Variants in RSU1 observed in about 807,000 individuals in gnomAD.
The protein encoded by RSU1 is Ras suppressor protein 1, also known as rsu-1.
Under a neutral mutation model 31.1 loss-of-function variants are expected in RSU1, and 26 were observed. The observed-to-expected ratio is 0.84, with a 90% CI of 0.61 to 1.16. The LOEUF is 1.16. Among genes scored for constraint, RSU1 ranks in the 50% most tolerant of loss-of-function variants. RSU1 has a pLI of 0.00. For missense variants in RSU1, 320 were observed against 339.1 expected (o/e 0.94, Z 0.44); for synonymous variants, 164 against 136.3 (o/e 1.20, Z -1.41).
intron 8 of RSU1, among the ~76,000 whole-genome samples, chr10:16,636,973 C>A (rs1346240208): frequency 6.6e-6 from 1 of 152,100 alleles, no homozygotes; most frequent in Non-Finnish European, 1.5e-5. Flanking sequence ...TATTTTATTC[C>A]CTTTTGTAAG....
At chr10:16,639,527 C>A (rs1274041088) in intron 8 of RSU1, among the ~76,000 whole-genome samples, 2 of 152,176 alleles carry the variant, frequency 1.3e-5, no homozygotes, top group Non-Finnish European at 2.9e-5. Flanking sequence ...AGAAACAAAT[C>A]TATGCACAGA....
intron 4 of RSU1, among the ~76,000 whole-genome samples, chr10:16,759,443 G>C (rs1000252036): frequency 4.6e-5 from 7 of 152,182 alleles, no homozygotes; most frequent in Non-Finnish European, 8.8e-5. Context: ...GGAGGCATAG[G>C]TTGCAGTGAG....
intron 3 of RSU1, among the ~76,000 whole-genome samples, chr10:16,766,025 T>C (rs949563245): frequency 2.0e-5 from 3 of 152,246 alleles, no homozygotes; most frequent in Non-Finnish European, 2.9e-5. Flanking sequence ...TATTATAGTT[T>C]TGAGTCATCA....
intron 8 of RSU1, among the ~76,000 whole-genome samples, chr10:16,625,778 C>T (rs932704306): frequency 2.6e-5 from 4 of 152,132 alleles, no homozygotes; most frequent in African/African-American, 9.7e-5. Flanking sequence ...TCTTGAGGGC[C>T]CATTCTGGTC....
In RSU1 at chr10:16,807,329, G is replaced by C. The variant is rs1274645029; in HGVS notation, c.109+9644C>G. ...TGCAAAGAAACGGATGAAATAAGAA[G>C]GATCTTTATGAGGTATGGATACTAT... is the stretch of plus-strand genomic sequence containing the variant. On this transcript the variant is annotated intron_variant, in intron 2 of 8. Coordinates refer to ENST00000345264, the MANE Select transcript of RSU1 (RefSeq NM_012425.4). Among the ~76,000 whole-genome samples, 3 of 152,134 alleles carry C rather than the reference G, an allele frequency of 2.0e-5. No individual in the cohort carries two copies. In the East Asian group the frequency reaches 5.8e-4, roughly 29 times the overall value.
chr10:16,737,049 A>C (rs1361876864), intron 7 of RSU1, among the ~76,000 whole-genome samples: 1 of 151,996 alleles, frequency 6.6e-6, no homozygotes, highest in Non-Finnish European at 1.5e-5. Context: ...GAAGATGATG[A>C]AAAGAAACAA....
chr10:16,668,628 T>C (rs1835044777), intron 8 of RSU1, among the ~76,000 whole-genome samples: 1 of 152,202 alleles, frequency 6.6e-6, no homozygotes, highest in Non-Finnish European at 1.5e-5. Context: ...GTTTTACTGC[T>C]TTCCCTGGTT....
intron 8 of RSU1, among the ~76,000 whole-genome samples, chr10:16,639,723 C>T (rs1834406533): frequency 6.6e-6 from 1 of 152,184 alleles, no homozygotes; most frequent in Non-Finnish European, 1.5e-5. Flanking sequence ...TGTCAAACAA[C>T]TTCATTCTGC....
Position 16,712,093 on chromosome 10 carries a change from T to C in RSU1, c.599-16938A>G, listed in dbSNP as rs79071402. Among the ~76,000 whole-genome samples, 1,369 of 152,298 alleles carry C rather than the reference T, an allele frequency of 9.0e-3. 27 individuals are homozygous for C. Among genetic ancestry groups the C allele is most frequent in the East Asian group, 0.083 (430 of 5,180 alleles). On this transcript the variant is annotated intron_variant, in intron 7 of 8. Coordinates refer to ENST00000345264, the MANE Select transcript of RSU1 (RefSeq NM_012425.4). ...TTTAATCATGACATAATGACCTTTT[T>C]TCTTTTTCCAGTTTTTGACTTAAAA...
At chr10:16,605,658 C>A (rs1204540577) in intron 8 of RSU1, among the ~76,000 whole-genome samples, 1 of 152,148 alleles carries the variant, frequency 6.6e-6, no homozygotes, top group Non-Finnish European at 1.5e-5. Context: ...CATCAGCTTC[C>A]CACCTGGAGC....
chr10:16,700,180 C>T (rs964342816), intron 7 of RSU1, among the ~76,000 whole-genome samples: 2 of 152,060 alleles, frequency 1.3e-5, no homozygotes, highest in Non-Finnish European at 2.9e-5. Flanking sequence ...AGTAAGCAAT[C>T]GAGGCGATCT....
chr10:16,649,659 C>T (rs565128841), intron 8 of RSU1, among the ~76,000 whole-genome samples: 1 of 152,220 alleles, frequency 6.6e-6, no homozygotes, highest in Admixed American at 6.5e-5. Flanking sequence ...CTAGGGGGCA[C>T]ACGGCACAAC....
chr10:16,642,850 A>C (rs965019352), intron 8 of RSU1, among the ~76,000 whole-genome samples: 2 of 152,198 alleles, frequency 1.3e-5, no homozygotes, highest in Non-Finnish European at 2.9e-5. Flanking sequence ...TCTAAAAGCC[A>C]GGTTTATTGA....
intron 3 of RSU1, 104 bp downstream of exon 3, chr10:16,781,930 A>T: frequency 1.0e-6 from 1 of 957,072 alleles, no homozygotes; most frequent in Non-Finnish European, 1.6e-6. Context: ...TTCTGCAAAT[A>T]ATCATTCTTC....
At chr10:16,674,398 G>C (rs994149502) in intron 8 of RSU1, among the ~76,000 whole-genome samples, 1 of 135,624 alleles carries the variant, frequency 7.4e-6, no homozygotes, top group African/African-American at 3.0e-5. Context: ...TGTCACGGAA[G>C]GTTTTTTTTT....
intron 8 of RSU1, among the ~76,000 whole-genome samples, chr10:16,649,232 A>G (rs374458340): frequency 2.6e-5 from 4 of 152,344 alleles, no homozygotes; most frequent in South Asian, 2.1e-4. Flanking sequence ...AATGGCTCTT[A>G]TGAATCACGA....
chr10:16,791,844 G>A (rs190504014), intron 2 of RSU1, among the ~76,000 whole-genome samples: 57 of 152,206 alleles, frequency 3.7e-4, no homozygotes, highest in East Asian at 1.2e-3. Flanking sequence ...TCGTTCCCAA[G>A]GTGGCCCAAC....
chr10:16,778,289 G>A (rs556988132), intron 3 of RSU1, among the ~76,000 whole-genome samples: 1 of 152,176 alleles, frequency 6.6e-6, no homozygotes, highest in South Asian at 2.1e-4. Flanking sequence ...AGAAGTCTGT[G>A]GCAGCCACAT....
chr10:16,736,784 A>C (rs772450977), intron 7 of RSU1, among the ~76,000 whole-genome samples: 1 of 152,180 alleles, frequency 6.6e-6, no homozygotes, highest in Non-Finnish European at 1.5e-5. Flanking sequence ...AAATATGTGC[A>C]AAGATTTAAA....
Sources: gnomAD v4.1 joint callset for allele counts (sites outside exome capture counted in the v4.1 genomes callset) on GRCh38, gnomAD v4.1.1 for gene constraint, MANE v1.5 for transcripts, NCBI Gene and HGNC (gene_info 2026-07-23, HGNC 2026-07-21) for gene names.